The following RIPOR2 variants were observed in gnomAD, a reference collection of about 807,000 sequenced individuals.
RIPOR2 encodes the protein RHO family interacting cell polarization regulator 2, also known as rho family-interacting cell polarization regulator 2.
In RIPOR2, 39 loss-of-function variants were observed where a neutral mutation model predicts 114.5. That is an observed-to-expected ratio of 0.34 (90% confidence interval 0.26 to 0.44). The LOEUF is 0.44. Among genes scored for constraint, RIPOR2 ranks in the 20% least tolerant of loss-of-function variants. The probability of loss-of-function intolerance (pLI) is 1.00; values close to 1 mark genes in which losing one functional copy is unlikely to be tolerated. For missense variants in RIPOR2, 1,007 were observed against 1,255.1 expected, an observed-to-expected ratio of 0.80 and a Z score of 2.99; for synonymous variants, 445 against 484.4, an observed-to-expected ratio of 0.92 and a Z score of 1.07.
At chr6:24,897,562 C>T (rs1316901615) in intron 1 of RIPOR2, among the ~76,000 whole-genome samples, 1 of 152,184 alleles carries the variant, frequency 6.6e-6, no homozygotes, top group Non-Finnish European at 1.5e-5. Flanking sequence ...TCTGTTAGCA[C>T]TTCCAGAGTC....
intron 1 of RIPOR2, among the ~76,000 whole-genome samples, chr6:24,888,118 C>G (rs898517489): frequency 1.3e-5 from 2 of 152,104 alleles, no homozygotes; most frequent in Non-Finnish European, 1.5e-5. Flanking sequence ...TTTAAAAAAA[C>G]CCAGCAAAAC....
At chr6:24,995,151 G>T (rs1191664899) in intron 1 of RIPOR2, among the ~76,000 whole-genome samples, 1 of 152,118 alleles carries the variant, frequency 6.6e-6, no homozygotes, top group Non-Finnish European at 1.5e-5. Context: ...TGAGGGTTTT[G>T]TGCTAGAGAG....
Position 24,996,359 on chromosome 6 carries a change from A to G in RIPOR2, c.76+45492T>C, listed in dbSNP as rs563083343. On this transcript the variant is annotated intron_variant, in intron 1 of 13. Transcript: ENST00000510784. ...ATTTATGACCCTGGGTTATTGCACA[A>G]CAGGAGTTGATGAATGCATCTTTTA... Among the ~76,000 whole-genome samples, 80 of 152,336 alleles carry G rather than the reference A, an allele frequency of 5.3e-4. 3 individuals are homozygous for G. Among genetic ancestry groups the G allele is most frequent in the Non-Finnish European group, 2.5e-4 (17 of 68,028 alleles).
chr6:24,920,387 T>A (rs1426848184), intron 1 of RIPOR2, among the ~76,000 whole-genome samples: 1 of 152,208 alleles, frequency 6.6e-6, no homozygotes, highest in Non-Finnish European at 1.5e-5. Context: ...ACAATTATCA[T>A]GTTTACAGAA....
chr6:24,875,939 T>G (rs1581682812), intron 1 of RIPOR2, 122 bp from the exon 2 acceptor site: 12 of 887,908 alleles, frequency 1.4e-5, no homozygotes, highest in Non-Finnish European at 1.7e-5. Context: ...GCTTGTGAGG[T>G]TCTTTATTAT....
At chr6:24,913,177 G>A (rs1201221253) in intron 1 of RIPOR2, among the ~76,000 whole-genome samples, 1 of 151,168 alleles carries the variant, frequency 6.6e-6, no homozygotes, top group Non-Finnish European at 1.5e-5. Context: ...GTGTGTGTGT[G>A]TATGTGCACA....
intron 1 of RIPOR2, chr6:25,023,816 C>G (rs1776456418): frequency 1.3e-6 from 1 of 754,990 alleles, no homozygotes; most frequent in African/African-American, 1.7e-5. Flanking sequence ...TTTTTTAACT[C>G]GATCTCGAGG....
At chr6:24,884,146 C>T (rs534954631) in intron 1 of RIPOR2, among the ~76,000 whole-genome samples, 25 of 152,176 alleles carry the variant, frequency 1.6e-4, no homozygotes, top group South Asian at 8.3e-4. Context: ...CGGTGGCTCA[C>T]GCCTGTAATC....
intron 1 of RIPOR2, among the ~76,000 whole-genome samples, chr6:25,018,103 C>T (rs1279074444): frequency 6.6e-6 from 1 of 152,176 alleles, no homozygotes; most frequent in South Asian, 2.1e-4. Flanking sequence ...ACTGCTCTTA[C>T]CTCCTTGCTT....
At chr6:24,958,739 C>T (rs1057313691) in intron 1 of RIPOR2, among the ~76,000 whole-genome samples, 5 of 152,018 alleles carry the variant, frequency 3.3e-5, no homozygotes, top group African/African-American at 1.2e-4. Flanking sequence ...ACTGTTGTAA[C>T]AAAGTACCAC....
rs9467346 is a variant in RIPOR2 at position 24,906,065 on chromosome 6, C to T, written c.61+29773G>A. On this transcript the variant is annotated intron_variant, in intron 1 of 21. Transcript: ENST00000643898. ...TTTTTCAGTACATAAGGTTGGTTTT[C>T]GGTATGGTCATTGGCCAACCTTGTT... 3.8e-3 allele frequency among the ~76,000 whole-genome samples: 578 copies of T among 152,296 alleles called. 5 individuals carry two copies. Among genetic ancestry groups the T allele is most frequent in the Middle Eastern group, 0.014 (4 of 294 alleles).
At chr6:24,966,021 A>T (rs1057311699) in intron 1 of RIPOR2, among the ~76,000 whole-genome samples, 4 of 152,244 alleles carry the variant, frequency 2.6e-5, no homozygotes, top group Non-Finnish European at 5.9e-5. Flanking sequence ...TGCAGCAGGG[A>T]ATTAAATGAT....
chr6:24,832,380 G>T lies in RIPOR2; in HGVS notation c.2220C>A (p.Phe740Leu). 1.3e-6 allele frequency: 2 copies of T among 1,551,982 alleles called. No individual in the cohort carries two copies. The highest frequency in any genetic ancestry group is 1.7e-6 in the Non-Finnish European group (2 of 1,147,012). Residue 740 changes from phenylalanine (F) to leucine (L), a missense_variant, in exon 16 of 22, where the codon TTC becomes TTA. By Grantham distance (22) the Phe-to-Leu change is conservative (BLOSUM62 0). Transcript: ENST00000643898. The part of the protein sequence containing the change: ...YCTQLVQQIV[F>L]SSKTPFVARS... The stretch of plus-strand genomic sequence containing the variant: ...TTGCCACAAATGGGGTTTTGCTTGA[G>T]AAAACAATTTGCTGGTAAAACAAAC...
intron 12 of RIPOR2, among the ~76,000 whole-genome samples, chr6:24,844,059 A>G (rs1456228203): frequency 6.6e-6 from 1 of 152,176 alleles, no homozygotes; most frequent in African/African-American, 2.4e-5. Flanking sequence ...CTGCCCACAA[A>G]TCCCAAGCTC....
chr6:24,906,928 C>T (rs774447695), intron 1 of RIPOR2, among the ~76,000 whole-genome samples: 5 of 152,242 alleles, frequency 3.3e-5, no homozygotes, highest in South Asian at 2.1e-4. Flanking sequence ...CATGAGCCAC[C>T]GTGCCCAGCC....
intron 1 of RIPOR2, among the ~76,000 whole-genome samples, chr6:24,876,673 G>T (rs1057041250): frequency 6.6e-6 from 1 of 152,244 alleles, no homozygotes. Flanking sequence ...AAATAAGAAG[G>T]GTAAAGGGAG....
rs753696907 is a variant in RIPOR2, at chr6:24,850,731, G to A, written c.760-9C>T. The A allele has an allele frequency of 1.2e-5, 20 of 1,612,962 alleles. 1 individual carries two copies. In the East Asian group the frequency reaches 3.3e-4, roughly 27 times the overall value. On this transcript the variant is annotated splice_polypyrimidine_tract_variant and intron_variant, in intron 9 of 21. Coordinates refer to ENST00000643898, the MANE Select transcript of RIPOR2 (RefSeq NM_001286445.3). ...CCATACTTCATGAAAATCTGGAGAG[G>A]AGACATCCAAGGGCCTTCATGTCTT...
chr6:24,911,051 A>G, intron 1 of RIPOR2: 1 of 899,646 alleles, frequency 1.1e-6, no homozygotes, highest in Non-Finnish European at 1.3e-6. Flanking sequence ...CGCGGGGTGA[A>G]GTTGCGGGGC....
At chr6:24,862,520 C>T (rs911530165) in intron 7 of RIPOR2, among the ~76,000 whole-genome samples, 15 of 152,134 alleles carry the variant, frequency 9.9e-5, no homozygotes, top group African/African-American at 3.6e-4. Flanking sequence ...TTGCTTTTTC[C>T]CTTGTAAATT....
Sources: allele counts gnomAD v4.1 joint callset (sites outside exome capture counted in the v4.1 genomes callset), GRCh38; gene constraint gnomAD v4.1.1; transcripts MANE v1.5; gene names NCBI Gene and HGNC (gene_info 2026-07-23, HGNC 2026-07-21).